The following CELF2 variants were observed in gnomAD, a reference collection of about 807,000 sequenced individuals.
CELF2 encodes CUG triplet repeat RNA-binding protein 2.
CELF2 carries 8 observed loss-of-function variants against 62.6 expected under a neutral mutation model. The ratio of observed to expected loss-of-function variants is 0.13; its 90% confidence interval spans 0.07 to 0.23. The LOEUF is 0.23. CELF2 is among the 10% of genes least tolerant of loss of function. The pLI is 1.00. For synonymous variants in CELF2, 258 were observed against 250.0 expected (o/e 1.03, Z -0.30); for missense variants, 333 against 671.0 (o/e 0.50, Z 5.56).
intron 2 of CELF2, among the ~76,000 whole-genome samples, chr10:10,942,282 C>T (rs2047138127): frequency 6.6e-6 from 1 of 152,196 alleles, no homozygotes; most frequent in South Asian, 2.1e-4. Flanking sequence ...GGAAATTGGG[C>T]ACAGCTTTGG....
intron 2 of CELF2, among the ~76,000 whole-genome samples, chr10:10,971,523 A>G (rs1401737597): frequency 6.6e-6 from 1 of 151,984 alleles, no homozygotes; most frequent in Non-Finnish European, 1.5e-5. Flanking sequence ...TTCCTTTCAA[A>G]CCCAAGTTTC....
chr10:10,470,177 C>A, the CELF2 span, among the ~76,000 whole-genome samples: 1 of 151,824 alleles, frequency 6.6e-6, no homozygotes, highest in Non-Finnish European at 1.5e-5. Context: ...ACCTTCATGG[C>A]CATAAAATAT....
chr10:10,950,516 G>A lies in CELF2; in HGVS notation c.89+30517G>A, dbSNP rs1013495458. Among the ~76,000 whole-genome samples, 13 of 152,196 alleles carry A rather than the reference G, an allele frequency of 8.5e-5. No homozygotes were observed. The South Asian group carries it at 1.9e-3, about 22-fold the overall frequency. On this transcript the variant is annotated intron_variant, in intron 2 of 13. Transcript: ENST00000636488. ...TTATTCTGTGTGTGCGAGGGGATAC[G>A]TATGATTTCTTTAATAGCGCCTTAT...
intron 9 of CELF2, among the ~76,000 whole-genome samples, chr10:11,294,920 A>G (rs1408160621): frequency 1.3e-5 from 2 of 152,184 alleles, no homozygotes; most frequent in Admixed American, 1.3e-4. Flanking sequence ...AACAACAACA[A>G]CAACAAATCT....
chr10:11,118,278 C>T (rs1050081415), intron 1 of CELF2, among the ~76,000 whole-genome samples: 1 of 152,030 alleles, frequency 6.6e-6, no homozygotes, highest in South Asian at 2.1e-4. Flanking sequence ...GCTTGGTGTA[C>T]TGTTTTCAAT....
intron 1 of CELF2, among the ~76,000 whole-genome samples, chr10:11,164,304 T>C (rs2066432291): frequency 6.6e-6 from 1 of 152,170 alleles, no homozygotes; most frequent in South Asian, 2.1e-4. Flanking sequence ...CTTTACTGTT[T>C]ATTCCTGCTC....
chr10:11,200,928 T>G (rs2059085979), intron 2 of CELF2, among the ~76,000 whole-genome samples: 1 of 152,208 alleles, frequency 6.6e-6, no homozygotes, highest in Non-Finnish European at 1.5e-5. Flanking sequence ...TGTCAGATAT[T>G]CTTGTCGGGA....
At chr10:10,804,675 C>T (rs2055024075) in intron 1 of CELF2, among the ~76,000 whole-genome samples, 1 of 152,160 alleles carries the variant, frequency 6.6e-6, no homozygotes, top group African/African-American at 2.4e-5. Context: ...TTGCGTGTTC[C>T]CTTATGGAGT....
chr10:10,811,455 T>C (rs894547304), intron 1 of CELF2, among the ~76,000 whole-genome samples: 1 of 152,078 alleles, frequency 6.6e-6, no homozygotes, highest in African/African-American at 2.4e-5. Flanking sequence ...CTGTAGATGT[T>C]AGGACTCAGT....
chr10:10,618,042 A>G, the CELF2 span, among the ~76,000 whole-genome samples: 2 of 152,092 alleles, frequency 1.3e-5, no homozygotes, highest in African/African-American at 4.8e-5. Context: ...CTTGACTCTG[A>G]GCAGCTCTCT....
At chr10:11,003,619 C>T (rs755230356), upstream of CELF2, among the ~76,000 whole-genome samples, 1 of 152,118 alleles carries the variant, frequency 6.6e-6, no homozygotes, top group Non-Finnish European at 1.5e-5. The surrounding 1 kb of genome is among the most constrained non-coding windows in gnomAD (Gnocchi z 4.4). Context: ...AAGAGAGCCA[C>T]AGAGAGGTTA....
chr10:10,922,428 G>A (rs1421815687), intron 2 of CELF2, among the ~76,000 whole-genome samples: 1 of 152,174 alleles, frequency 6.6e-6, no homozygotes, highest in African/African-American at 2.4e-5. Context: ...CTTTTGTAGA[G>A]CAGCTAAGAA....
the CELF2 span, among the ~76,000 whole-genome samples, chr10:10,507,696 G>T: frequency 1.3e-5 from 2 of 152,080 alleles, no homozygotes; most frequent in Non-Finnish European, 2.9e-5. Context: ...GGAAGATGGA[G>T]GGTGTGCTAT....
At chr10:11,067,349 G>A (rs200927829) in intron 1 of CELF2, among the ~76,000 whole-genome samples, 1 of 152,190 alleles carries the variant, frequency 6.6e-6, no homozygotes, top group Non-Finnish European at 1.5e-5. Context: ...CCGGTAAAAG[G>A]CAGGTCGTCC....
chr10:10,961,057 G>T (rs987992555), intron 2 of CELF2, among the ~76,000 whole-genome samples: 2 of 152,158 alleles, frequency 1.3e-5, no homozygotes, highest in Admixed American at 1.3e-4. Flanking sequence ...AATGCACTTT[G>T]AATTCCAATA....
chr10:11,228,810 G>T (rs1226285164), intron 3 of CELF2, among the ~76,000 whole-genome samples: 3 of 151,016 alleles, frequency 2.0e-5, no homozygotes, highest in African/African-American at 7.3e-5. Flanking sequence ...CACTCCTAAG[G>T]CAGAGTTACC....
chr10:10,864,524 T>C (rs777975240), intron 1 of CELF2, among the ~76,000 whole-genome samples: 1 of 152,264 alleles, frequency 6.6e-6, no homozygotes, highest in East Asian at 1.9e-4. Flanking sequence ...TCAAGGTACC[T>C]GTTGATTCAG....
chr10:10,494,306 A>G, the CELF2 span, among the ~76,000 whole-genome samples: 1 of 152,236 alleles, frequency 6.6e-6, no homozygotes, highest in Non-Finnish European at 1.5e-5. Flanking sequence ...GTTTTCCTGT[A>G]AAGTTGAATT....
At chr10:10,636,913 A>G in the CELF2 span, among the ~76,000 whole-genome samples, 2 of 152,198 alleles carry the variant, frequency 1.3e-5, no homozygotes, top group Admixed American at 1.3e-4. Flanking sequence ...TCCTATTAAG[A>G]CACAAGTTTT....
Sources: gnomAD v4.1 joint callset for allele counts (sites outside exome capture counted in the v4.1 genomes callset) on GRCh38, gnomAD v4.1.1 for gene constraint, Gnocchi (gnomAD v3.1) non-coding constraint, MANE v1.5 for transcripts, NCBI Gene and HGNC (gene_info 2026-07-23, HGNC 2026-07-21) for gene names.